The following KIF4A variants were observed in gnomAD, a reference collection of about 807,000 sequenced individuals.
KIF4A encodes chromosome-associated kinesin KIF4A.
Under a neutral mutation model 105.9 loss-of-function variants are expected in KIF4A, and 7 were observed. The ratio of observed to expected loss-of-function variants is 0.07; its 90% CI spans 0.04 to 0.12. The LOEUF (loss-of-function observed/expected upper bound fraction) is 0.12. Ranked by LOEUF, KIF4A falls within the 10% of genes least tolerant of loss-of-function variation. The pLI, the probability that KIF4A is intolerant of heterozygous loss-of-function variation, is 1.00. For missense variants in KIF4A, 558 were observed against 929.2 expected (o/e 0.60, Z 5.19); for synonymous variants, 281 against 331.3 (o/e 0.85, Z 1.65).
chrX:70,378,735 AAAAG>A (rs1169319738), intron 18 of KIF4A, among the ~76,000 whole-genome samples: 1 of 110,647 alleles, frequency 9.0e-6, no homozygotes, highest in East Asian at 2.8e-4. Flanking sequence ...TCAAAAAAAA[AAAAG>A]GATTAAAGTA....
intron 29 of KIF4A, among the ~76,000 whole-genome samples, chrX:70,419,043 C>T (rs1276098924): frequency 9.2e-6 from 1 of 108,655 alleles, no homozygotes; most frequent in East Asian, 2.9e-4. Context: ...TGAGATCGTG[C>T]CACTGCACTC....
intron 13 of KIF4A, among the ~76,000 whole-genome samples, chrX:70,349,682 TC>T (rs2086017083): frequency 1.3e-5 from 1 of 75,469 alleles, no homozygotes; most frequent in Non-Finnish European, 2.4e-5. Flanking sequence ...ACTCCTCACT[TC>T]CTAGTCGGGG....
At chrX:70,370,149 C>CAAACATGA (rs781086602) in intron 15 of KIF4A, among the ~76,000 whole-genome samples, 1 of 111,333 alleles carries the variant, frequency 9.0e-6, no homozygotes, top group South Asian at 3.7e-4. Context: ...TATAAGTGCA[C>CAAACATGA]ACTATCATGT....
chrX:70,366,138 T>C (rs1032704135), intron 15 of KIF4A, among the ~76,000 whole-genome samples: 6 of 111,963 alleles, frequency 5.4e-5, no homozygotes, highest in African/African-American at 1.9e-4. Flanking sequence ...TTCTTCTCTC[T>C]TTTCTTCTTT....
chrX:70,405,778 C>T, intron 25 of KIF4A, 50 bp from the exon 26 acceptor site: 5 of 929,160 alleles, frequency 5.4e-6, no homozygotes, highest in Non-Finnish European at 6.3e-6. Context: ...TGGTAACCCA[C>T]ATGTAGTGCC....
intron 28 of KIF4A, among the ~76,000 whole-genome samples, chrX:70,413,816 T>C (rs1281728380): frequency 9.1e-6 from 1 of 110,175 alleles, no homozygotes; most frequent in Middle Eastern, 4.2e-3. Context: ...CTTGTGGAGC[T>C]CTCTCTGAGA....
intron 13 of KIF4A, among the ~76,000 whole-genome samples, chrX:70,351,950 G>A (rs924601288): frequency 1.1e-4 from 12 of 110,131 alleles, no homozygotes; most frequent in Admixed American, 8.7e-4. Context: ...TAGTAGAGAC[G>A]GGGTTTCATC....
intron 24 of KIF4A, 54 bp from the exon 25 acceptor site, chrX:70,404,661 T>G: frequency 1.1e-6 from 1 of 884,409 alleles, no homozygotes; most frequent in Non-Finnish European, 1.6e-6. Flanking sequence ...AGTCAAAATT[T>G]CTTTTTCCCC....
At chrX:70,313,566 C>T (rs2085858314) in intron 7 of KIF4A, among the ~76,000 whole-genome samples, 1 of 112,027 alleles carries the variant, frequency 8.9e-6, no homozygotes, top group Non-Finnish European at 1.9e-5. Flanking sequence ...ACCATTGTCC[C>T]AGGGCTTCCT....
intron 1 of KIF4A, 121 bp from the exon 2 acceptor site, chrX:70,290,317 T>A: frequency 5.7e-6 from 5 of 870,827 alleles, no homozygotes; most frequent in Non-Finnish European, 7.9e-6. Context: ...GGCCAAGTCA[T>A]GGAGCGTGAA....
chrX:70,302,647 T>A (rs192977155), intron 7 of KIF4A, among the ~76,000 whole-genome samples: 47 of 112,054 alleles, frequency 4.2e-4, no homozygotes, highest in African/African-American at 1.4e-3. Flanking sequence ...GTTTTAGTTT[T>A]GTTTTGTTTT....
intron 15 of KIF4A, chrX:70,361,353 G>C (rs2086074603): frequency 8.8e-6 from 1 of 113,815 alleles, no homozygotes; most frequent in Non-Finnish European, 1.9e-5. Context: ...TTCAGGAAGA[G>C]GCAGACATCC....
chrX:70,335,228 C>T (rs758256466), intron 10 of KIF4A, among the ~76,000 whole-genome samples: 1 of 112,121 alleles, frequency 8.9e-6, no homozygotes, highest in East Asian at 2.8e-4. Flanking sequence ...GGAAGGTAAT[C>T]CTGTCACTTG....
At chrX:70,342,402 A>C (rs138605237) in intron 11 of KIF4A, among the ~76,000 whole-genome samples, 166 of 112,249 alleles carry the variant, frequency 1.5e-3, no homozygotes, top group African/African-American at 5.2e-3. Context: ...TTCATTTTCC[A>C]TGTGATTGAT....
chrX:70,386,586 C>T (rs770420790), intron 18 of KIF4A, 32 bp from the exon 19 acceptor site: 1 of 1,071,241 alleles, frequency 9.3e-7, no homozygotes, highest in Non-Finnish European at 1.3e-6. Flanking sequence ...GCTAGCTGAA[C>T]AGCAATTAAT....
intron 15 of KIF4A, among the ~76,000 whole-genome samples, chrX:70,361,128 CA>C (rs775215883): frequency 8.8e-6 from 1 of 113,070 alleles, no homozygotes; most frequent in Admixed American, 9.2e-5. Flanking sequence ...CAGCTCCAGG[CA>C]CCCCTGCCTG....
rs369147441 is a variant in KIF4A at position 70,420,222 on chromosome X, G to A, written c.3656G>A (p.Ser1219Asn). 23 of 1,210,698 alleles carry A rather than the reference G, an allele frequency of 1.9e-5. No homozygotes were observed. Among genetic ancestry groups the A allele is most frequent in the Non-Finnish European group, 2.6e-5 (23 of 895,333 alleles). Reference protein sequence around the residue: ...KKKRALASNTSFFSGCSPIEE... With the variant: ...KKKRALASNTNFFSGCSPIEE... ...AAACGGGCTCTGGCCAGCAACACCAGCTTCTTCTCTGGCTGCTCCCCTATC... is the reference window on the plus strand; with the variant it reads ...AAACGGGCTCTGGCCAGCAACACCAACTTCTTCTCTGGCTGCTCCCCTATC... Residue 1219 changes from serine to asparagine, a missense_variant, in exon 31 of 31, where the codon AGC becomes AAC. Physicochemically the swap from Ser to Asn is conservative, Grantham distance 46. Around this residue, in one of 2 missense-constraint regions of KIF4A, gnomAD observed 469 missense variants for 680.4 expected, o/e 0.69. Transcript: ENST00000374403.
At chrX:70,296,701 A>G (rs1266677536) in intron 3 of KIF4A, among the ~76,000 whole-genome samples, 2 of 112,416 alleles carry the variant, frequency 1.8e-5, no homozygotes, top group African/African-American at 6.5e-5. Context: ...TGGCTTGGCC[A>G]CCTTCATTTA....
At chrX:70,324,921 G>A (rs1158552503) in intron 7 of KIF4A, among the ~76,000 whole-genome samples, 1 of 111,445 alleles carries the variant, frequency 9.0e-6, no homozygotes, top group African/African-American at 3.3e-5. Flanking sequence ...AACTGGAACT[G>A]CGAGTGTATG....
Sources: allele counts gnomAD v4.1 joint callset (sites outside exome capture counted in the v4.1 genomes callset), GRCh38; gene constraint gnomAD v4.1.1; regional missense constraint gnomAD v4.1.1; transcripts MANE v1.5; gene names NCBI Gene and HGNC (gene_info 2026-07-23, HGNC 2026-07-21).